Variants in TRAPPC3L observed in about 807,000 individuals in gnomAD.
The protein encoded by TRAPPC3L is trafficking protein particle complex subunit 3L.
In TRAPPC3L, 23 loss-of-function variants were observed where a neutral mutation model predicts 23.7. The observed-to-expected ratio is 0.97, with a 90% CI of 0.70 to 1.37. TRAPPC3L has a LOEUF of 1.37. Ranked by LOEUF, TRAPPC3L falls within the 40% of genes most tolerant of loss-of-function variation. The pLI, the probability that TRAPPC3L is intolerant of heterozygous loss-of-function variation, is 0.00. For missense variants in TRAPPC3L, 212 were observed against 216.8 expected (o/e 0.98, Z 0.14); for synonymous variants, 81 against 77.9 (o/e 1.04, Z -0.21).
chr6:116,504,719 G>A (rs1010950587), intron 3 of TRAPPC3L, among the ~76,000 whole-genome samples: 6 of 151,588 alleles, frequency 4.0e-5, no homozygotes, highest in African/African-American at 1.5e-4. Context: ...ATGCAAGGCT[G>A]GTTAAACATA....
At chr6:116,512,209 G>T in intron 3 of TRAPPC3L, 1 of 1,603,910 alleles carries the variant, frequency 6.2e-7, no homozygotes, top group South Asian at 1.1e-5. Context: ...ATGAAGAACT[G>T]AAACTCTCCC....
At chr6:116,507,496 C>T (rs1045018162) in intron 3 of TRAPPC3L, among the ~76,000 whole-genome samples, 1 of 152,048 alleles carries the variant, frequency 6.6e-6, no homozygotes, top group African/African-American at 2.4e-5. Flanking sequence ...TCTCACTGTC[C>T]GTACTCCATA....
At chr6:116,511,422 C>T (rs964507625) in intron 3 of TRAPPC3L, among the ~76,000 whole-genome samples, 2 of 152,050 alleles carry the variant, frequency 1.3e-5, no homozygotes, top group Admixed American at 6.6e-5. Context: ...ATCCAAACCA[C>T]ATGGAAAGAA....
At chr6:116,515,787 A>G in intron 3 of TRAPPC3L, 1 of 1,613,998 alleles carries the variant, frequency 6.2e-7, no homozygotes, top group African/African-American at 1.3e-5. Context: ...AGGAACCTGA[A>G]ATGTTTTTTT....
intron 3 of TRAPPC3L, chr6:116,528,919 G>A (rs1007705512): frequency 2.6e-5 from 4 of 152,198 alleles, no homozygotes; most frequent in Admixed American, 2.6e-4. Context: ...TTTATTTTTA[G>A]GCTTATCTGA....
In TRAPPC3L at chr6:116,535,078, C is replaced by T. The variant is rs201632290; in HGVS notation, c.240+5285G>A. On this transcript the variant is annotated intron_variant, in intron 3 of 4. Transcript: ENST00000368602. The stretch of plus-strand genomic sequence containing the variant: ...AAGGCCGAGCAGTTATAAACATTGT[C>T]AGTAACTAGAAGGTATGGATGGATG... Among the ~76,000 whole-genome samples the T allele has an allele frequency of 3.9e-5, 6 of 152,266 alleles. No individual in the cohort carries two copies. In the East Asian group the frequency reaches 1.2e-3, roughly 29 times the overall value.
Position 116,545,472 on chromosome 6 carries a change from C to A in TRAPPC3L, c.42+1G>T. 6.5e-7 allele frequency: 1 copy of A among 1,543,422 alleles called. No individual in the cohort carries two copies. ...AAAATCTCTTTGTAGAAAGATCTTACTATTTTATGGTATTCTGGTCTTCGG... is the reference window on the plus strand; with the variant it reads ...AAAATCTCTTTGTAGAAAGATCTTAATATTTTATGGTATTCTGGTCTTCGG... On this transcript the variant is annotated splice_donor_variant, in intron 1 of 4. Transcript: ENST00000368602. LOFTEE classifies it high-confidence loss of function.
At chr6:116,506,439 T>G (rs1232369766) in intron 3 of TRAPPC3L, among the ~76,000 whole-genome samples, 1 of 152,144 alleles carries the variant, frequency 6.6e-6, no homozygotes, top group Admixed American at 6.5e-5. Context: ...GTTCAACAAT[T>G]TTGGAAGACA....
At chr6:116,532,463 A>T (rs1772802579) in intron 3 of TRAPPC3L, among the ~76,000 whole-genome samples, 1 of 152,196 alleles carries the variant, frequency 6.6e-6, no homozygotes, top group African/African-American at 2.4e-5. Flanking sequence ...ACAGGTGTGG[A>T]TTTACCTGGT....
intron 1 of TRAPPC3L, among the ~76,000 whole-genome samples, chr6:116,544,177 G>GAGAGAGAGAGAA (rs1203733986): frequency 1.3e-5 from 2 of 151,576 alleles, no homozygotes; most frequent in East Asian, 3.9e-4. Flanking sequence ...GAGAGAGAGA[G>GAGAGAGAGAGAA]AGAGAATGAT....
At chr6:116,497,993 G>A (rs1042484214) in intron 4 of TRAPPC3L, among the ~76,000 whole-genome samples, 14 of 152,280 alleles carry the variant, frequency 9.2e-5, no homozygotes, top group Non-Finnish European at 1.5e-4. Context: ...ACTGGGCCCG[G>A]CCTTGCAATG....
chr6:116,538,080 T>A (rs1773206410), intron 3 of TRAPPC3L, among the ~76,000 whole-genome samples: 1 of 152,350 alleles, frequency 6.6e-6, no homozygotes, highest in Non-Finnish European at 1.5e-5. Context: ...TAATAATTTT[T>A]AAAAGTTACC....
chr6:116,514,808 C>T (rs1772189923), intron 3 of TRAPPC3L, among the ~76,000 whole-genome samples: 1 of 152,040 alleles, frequency 6.6e-6, no homozygotes, highest in African/African-American at 2.4e-5. Flanking sequence ...GGCTCATCTG[C>T]TAAAGAATAT....
chr6:116,531,902 A>G (rs1202839100), intron 3 of TRAPPC3L, among the ~76,000 whole-genome samples: 1 of 150,056 alleles, frequency 6.7e-6, no homozygotes, highest in Non-Finnish European at 1.5e-5. Flanking sequence ...ATTTTAAAAT[A>G]TAATATAATA....
intron 3 of TRAPPC3L, among the ~76,000 whole-genome samples, chr6:116,510,532 C>T (rs1401414865): frequency 1.3e-5 from 2 of 152,018 alleles, no homozygotes; most frequent in East Asian, 3.9e-4. Context: ...AAGCAATCCA[C>T]CTGCCTCGAC....
intron 3 of TRAPPC3L, among the ~76,000 whole-genome samples, chr6:116,507,751 C>A (rs543707328): frequency 1.7e-4 from 26 of 152,124 alleles, no homozygotes; most frequent in Non-Finnish European, 3.2e-4. Context: ...CTCTAAGGAA[C>A]AAGTGGTAGT....
At chr6:116,513,967 A>C (rs570879761) in intron 3 of TRAPPC3L, among the ~76,000 whole-genome samples, 2 of 152,140 alleles carry the variant, frequency 1.3e-5, no homozygotes, top group Non-Finnish European at 2.9e-5. Context: ...TGGTAATATC[A>C]CTTACTTTGG....
chr6:116,519,061 C>G (rs1214495355), intron 3 of TRAPPC3L: 1 of 152,184 alleles, frequency 6.6e-6, no homozygotes, highest in East Asian at 1.9e-4. Flanking sequence ...GGTGTCTGCT[C>G]TTGAGTATCT....
At chr6:116,544,069 T>G (rs1243666364) in intron 1 of TRAPPC3L, among the ~76,000 whole-genome samples, 1 of 151,320 alleles carries the variant, frequency 6.6e-6, no homozygotes, top group Non-Finnish European at 1.5e-5. Context: ...ATGAAAAGTC[T>G]GCTCAACATA....
Sources: gnomAD v4.1 joint callset for allele counts (sites outside exome capture counted in the v4.1 genomes callset) on GRCh38, gnomAD v4.1.1 for gene constraint, MANE v1.5 for transcripts, NCBI Gene and HGNC (gene_info 2026-07-23, HGNC 2026-07-21) for gene names.